The following HEATR5A variants were observed in gnomAD, a reference collection of about 807,000 sequenced individuals.
The protein encoded by HEATR5A is HEAT repeat containing 5A, also known as HEAT repeat-containing protein 5A.
A neutral mutation model predicts 218.8 loss-of-function variants in HEATR5A; 178 were observed. The ratio of observed to expected loss-of-function variants is 0.81; its 90% CI spans 0.72 to 0.92. The LOEUF is 0.92. Among genes scored for constraint, HEATR5A ranks in the 40% least tolerant of loss-of-function variants. The pLI, the probability that HEATR5A is intolerant of heterozygous loss-of-function variation, is 0.00. For synonymous variants in HEATR5A, 864 were observed against 871.6 expected (o/e 0.99, Z 0.15); for missense variants, 2,420 against 2,418.9 (o/e 1.00, Z -0.01).
At chr14:31,360,982 T>C (rs558954395) in intron 14 of HEATR5A, among the ~76,000 whole-genome samples, 4 of 152,300 alleles carry the variant, frequency 2.6e-5, no homozygotes, top group East Asian at 3.9e-4. Context: ...TAATACGTGT[T>C]GGGAAATGTC....
At chr14:31,329,216 G>A (rs1900378933) in intron 22 of HEATR5A, among the ~76,000 whole-genome samples, 1 of 151,950 alleles carries the variant, frequency 6.6e-6, no homozygotes, top group Non-Finnish European at 1.5e-5. Flanking sequence ...TCCACCCCTG[G>A]CCCCTCCCAA....
chr14:31,415,874 T>C (rs890658435), intron 1 of HEATR5A, among the ~76,000 whole-genome samples: 1 of 152,020 alleles, frequency 6.6e-6, no homozygotes, highest in African/African-American at 2.4e-5. Flanking sequence ...ACAGGACAAC[T>C]AAGTTACTGA....
intron 1 of HEATR5A, among the ~76,000 whole-genome samples, chr14:31,407,584 T>TATATATA (rs2031118896): frequency 7.5e-4 from 1 of 1,338 alleles, no homozygotes; most frequent in African/African-American, 9.6e-4. Context: ...CTTATTTTAT[T>TATATATA]TATATATATA....
intron 33 of HEATR5A, chr14:31,296,712 ACT>A (rs1157546970): frequency 1.3e-5 from 2 of 152,152 alleles, no homozygotes; most frequent in Admixed American, 6.6e-5. Context: ...TTCTAGTCAT[ACT>A]CTCATTAAAT....
chr14:31,338,617 C>A (rs1200328590), intron 21 of HEATR5A, among the ~76,000 whole-genome samples: 1 of 152,062 alleles, frequency 6.6e-6, no homozygotes, highest in Non-Finnish European at 1.5e-5. Flanking sequence ...AAGTAAAGAT[C>A]AGTCTGGTAT....
chr14:31,306,299 G>A (rs1325367385), intron 31 of HEATR5A, among the ~76,000 whole-genome samples: 2 of 152,084 alleles, frequency 1.3e-5, no homozygotes, highest in Admixed American at 1.3e-4. Flanking sequence ...GGGCAACATG[G>A]CCACATCCCG....
chr14:31,417,297 A>G (rs191392590), intron 1 of HEATR5A, among the ~76,000 whole-genome samples: 3 of 152,144 alleles, frequency 2.0e-5, no homozygotes, highest in African/African-American at 7.2e-5. Flanking sequence ...CGGTGGCTCA[A>G]GCCTGTAATC....
intron 14 of HEATR5A, 72 bp from the exon 15 acceptor site, chr14:31,359,129 G>C: frequency 2.7e-6 from 4 of 1,458,686 alleles, no homozygotes; most frequent in Non-Finnish European, 3.7e-6. Context: ...TAAAACTCAG[G>C]TTGAGCTTTA....
At position 31,321,542 on chromosome 14, in the gene HEATR5A, G is replaced by A. The variant is rs1249138377; in HGVS notation, c.3926C>T (p.Pro1309Leu). The A allele has an allele frequency of 6.2e-7, 1 of 1,604,662 alleles. No individual in the cohort carries two copies. The highest frequency in any genetic ancestry group is 8.5e-7 in the Non-Finnish European group (1 of 1,175,520). The change falls in exon 25 of 36, where the codon CCA (proline) becomes CTA (leucine). Residue 1309 changes from proline to leucine, a missense_variant. Physicochemically the swap from Pro to Leu is moderately conservative, Grantham distance 98. Coordinates refer to ENST00000543095, the MANE Select transcript of HEATR5A (RefSeq NM_015473.4). ...VIRRFATVPE[P>L]EFPGHVILEQ... ...CAGAATCACATGACCTGGAAACTCT[G>A]GTTCTGGAACAGTTGCAAATCGCCG... is the stretch of plus-strand genomic sequence containing the variant.
At chr14:31,367,758 G>C (rs1393579440) in intron 13 of HEATR5A, among the ~76,000 whole-genome samples, 2 of 151,386 alleles carry the variant, frequency 1.3e-5, no homozygotes, top group East Asian at 3.9e-4. Flanking sequence ...TGCATGAAGG[G>C]CCAAAATATG....
At chr14:31,374,301 CAAAAA>C (rs34427206) in intron 12 of HEATR5A, among the ~76,000 whole-genome samples, 3 of 92,118 alleles carry the variant, frequency 3.3e-5, no homozygotes, top group Admixed American at 1.1e-4. Flanking sequence ...GACCCTATCT[CAAAAA>C]AAAAAAAAAA....
At chr14:31,383,021 G>C (rs765588680) in intron 10 of HEATR5A, among the ~76,000 whole-genome samples, 4 of 151,934 alleles carry the variant, frequency 2.6e-5, no homozygotes, top group Admixed American at 1.3e-4. Context: ...ACAGTATTTA[G>C]AGCTATAATC....
chr14:31,304,382 G>C (rs568132344), intron 32 of HEATR5A, among the ~76,000 whole-genome samples: 103 of 152,206 alleles, frequency 6.8e-4, no homozygotes, highest in Middle Eastern at 3.4e-3. Context: ...AATCATAGAA[G>C]AGCATATCTA....
chr14:31,325,213 A>C (rs1900224224), intron 23 of HEATR5A, among the ~76,000 whole-genome samples: 1 of 152,178 alleles, frequency 6.6e-6, no homozygotes, highest in Non-Finnish European at 1.5e-5. Flanking sequence ...TTGGAAAATA[A>C]CTGGTTTTTC....
At chr14:31,406,788 T>C (rs2031076529) in intron 1 of HEATR5A, among the ~76,000 whole-genome samples, 1 of 151,248 alleles carries the variant, frequency 6.6e-6, no homozygotes, top group South Asian at 2.1e-4. Flanking sequence ...TGAAACCCTG[T>C]CTCTACCAAA....
chr14:31,351,726 C>T (rs973539471), intron 16 of HEATR5A, among the ~76,000 whole-genome samples: 1 of 151,970 alleles, frequency 6.6e-6, no homozygotes, highest in Non-Finnish European at 1.5e-5. Context: ...ATCCTCCAGC[C>T]TCAGCCACCA....
intron 4 of HEATR5A, among the ~76,000 whole-genome samples, chr14:31,396,365 C>G (rs991585687): frequency 6.6e-6 from 1 of 151,434 alleles, no homozygotes; most frequent in African/African-American, 2.4e-5. Flanking sequence ...GCAGAGGGTA[C>G]AATCGGAGGC....
chr14:31,319,921 C>A (rs1900035399), intron 25 of HEATR5A, among the ~76,000 whole-genome samples: 1 of 151,958 alleles, frequency 6.6e-6, no homozygotes, highest in African/African-American at 2.4e-5. Context: ...TGGCGTGTGG[C>A]TGTAGTTACA....
rs184242253 is a variant in HEATR5A at position 31,294,840 on chromosome 14, T to C, written c.5620-736A>G. Among the ~76,000 whole-genome samples, 13 of 152,256 alleles carry C rather than the reference T, an allele frequency of 8.5e-5. No homozygotes were observed. In the East Asian group the frequency reaches 2.5e-3, roughly 29 times the overall value. ...TTTTAGACAAAAATGATGTATTTGA[T>C]GTTCAAATGTCATGGTCTGAGTGTT... is the stretch of plus-strand genomic sequence containing the variant. On this transcript the variant is annotated intron_variant, in intron 34 of 35. Transcript: ENST00000543095.
Sources: gnomAD v4.1 joint callset for allele counts (sites outside exome capture counted in the v4.1 genomes callset) on GRCh38, gnomAD v4.1.1 for gene constraint, MANE v1.5 for transcripts, NCBI Gene and HGNC (gene_info 2026-07-23, HGNC 2026-07-21) for gene names.